Variants in RAPGEF5 observed in about 807,000 individuals in gnomAD.
The protein encoded by RAPGEF5 is M-Ras-regulated GEF.
In RAPGEF5, 65 loss-of-function variants were observed where a neutral mutation model predicts 125.2. That is an observed-to-expected ratio of 0.52 (90% CI 0.43 to 0.64). RAPGEF5 has a LOEUF of 0.64. Ranked by LOEUF, RAPGEF5 falls within the 30% of genes least tolerant of loss-of-function variation. The pLI, the probability that RAPGEF5 is intolerant of heterozygous loss-of-function variation, is 0.00. For synonymous variants in RAPGEF5, 391 were observed against 385.9 expected, an observed-to-expected ratio of 1.01 and a Z score of -0.16; for missense variants, 958 against 1,048.1, an observed-to-expected ratio of 0.91 and a Z score of 1.19.
At chr7:22,248,933 A>G (rs1170108941) in intron 7 of RAPGEF5, among the ~76,000 whole-genome samples, 2 of 152,250 alleles carry the variant, frequency 1.3e-5, no homozygotes, top group African/African-American at 2.4e-5. Flanking sequence ...TCTATTCCTA[A>G]GCCTACAAAG....
chr7:22,175,898 C>T (rs1216025929), intron 11 of RAPGEF5, among the ~76,000 whole-genome samples: 1 of 152,148 alleles, frequency 6.6e-6, no homozygotes, highest in African/African-American at 2.4e-5. Flanking sequence ...ACCTGAAATA[C>T]ATCATCATTC....
chr7:22,295,830 T>C (rs1001524746), intron 5 of RAPGEF5, among the ~76,000 whole-genome samples: 3 of 151,956 alleles, frequency 2.0e-5, no homozygotes, highest in Non-Finnish European at 4.4e-5. Context: ...GAGGATCTAA[T>C]TAGGAAAAGT....
intron 17 of RAPGEF5, 123 bp downstream of exon 17, chr7:22,154,332 T>G: frequency 9.0e-7 from 1 of 1,112,886 alleles, no homozygotes; most frequent in South Asian, 1.6e-5. Context: ...TTATTGTTAC[T>G]GTGGTCATCC....
At chr7:22,317,659 G>A (rs1783630665) in intron 2 of RAPGEF5, among the ~76,000 whole-genome samples, 1 of 152,062 alleles carries the variant, frequency 6.6e-6, no homozygotes, top group Non-Finnish European at 1.5e-5. Context: ...AAAATACAGT[G>A]TTTTTAACAA....
chr7:22,189,884 A>T (rs1414275079), intron 11 of RAPGEF5, among the ~76,000 whole-genome samples: 1 of 152,188 alleles, frequency 6.6e-6, no homozygotes, highest in African/African-American at 2.4e-5. Context: ...CTTGTCACAG[A>T]TGAATGAACA....
At chr7:22,256,297 G>C (rs1356231856) in intron 7 of RAPGEF5, among the ~76,000 whole-genome samples, 1 of 152,176 alleles carries the variant, frequency 6.6e-6, no homozygotes, top group East Asian at 1.9e-4. Context: ...TTGGTTTTCA[G>C]TTAGTTTTTC....
At chr7:22,349,199 G>A (rs529165825) in intron 1 of RAPGEF5, among the ~76,000 whole-genome samples, 15 of 150,542 alleles carry the variant, frequency 1.0e-4, no homozygotes, top group South Asian at 2.1e-4. Flanking sequence ...TGAGGCAGGC[G>A]GATCACTTGA....
At chr7:22,140,215 T>A in intron 20 of RAPGEF5, 100 bp from the exon 21 acceptor site, 1 of 1,055,078 alleles carries the variant, frequency 9.5e-7, no homozygotes, top group Non-Finnish European at 1.4e-6. Flanking sequence ...GCCACAGAGC[T>A]CAGGAATTCT....
At chr7:22,260,293 T>C (rs942388758) in intron 7 of RAPGEF5, among the ~76,000 whole-genome samples, 1 of 152,128 alleles carries the variant, frequency 6.6e-6, no homozygotes. Context: ...GATAACCACA[T>C]GTCAATGGAG....
At position 22,199,531 on chromosome 7, in the gene RAPGEF5, G is replaced by GAAAAAAAAAAAA. The variant is rs35024654; in HGVS notation, c.997-5510_997-5499dup. On this transcript the variant is annotated intron_variant, in intron 9 of 25. Coordinates refer to ENST00000665637, the MANE Select transcript of RAPGEF5 (RefSeq NM_012294.5). ...GTTATGTAAGTTTTACCTTAAAATT[G>GAAAAAAAAAAAA]AAAAAAAAAAAAAAAAAAAAAAAAA... Among the ~76,000 whole-genome samples, 9 of 62,832 alleles carry GAAAAAAAAAAAA rather than the reference G, an allele frequency of 1.4e-4. 1 individual carries two copies. Among genetic ancestry groups the GAAAAAAAAAAAA allele is most frequent in the Non-Finnish European group, 2.5e-4 (9 of 35,496 alleles). The allele number at this position is 62,832 out of a possible 152,430, so 41.2% of individuals were successfully genotyped here.
At chr7:22,199,252 C>T (rs1158932699) in intron 9 of RAPGEF5, among the ~76,000 whole-genome samples, 4 of 152,062 alleles carry the variant, frequency 2.6e-5, no homozygotes, top group Admixed American at 6.5e-5. Context: ...GCACTCAAGA[C>T]CCAGCAAGGG....
At chr7:22,167,895 C>G (rs983716706) in intron 11 of RAPGEF5, among the ~76,000 whole-genome samples, 1 of 152,164 alleles carries the variant, frequency 6.6e-6, no homozygotes, top group African/African-American at 2.4e-5. Context: ...GAGGCAAACT[C>G]TGACTTTCAA....
At chr7:22,173,748 A>AG (rs1451138182) in intron 11 of RAPGEF5, among the ~76,000 whole-genome samples, 2 of 152,180 alleles carry the variant, frequency 1.3e-5, no homozygotes, top group African/African-American at 4.8e-5. Context: ...AGTAATAAAC[A>AG]GGGGGCTTGT....
chr7:22,178,711 C>A (rs765774682), intron 11 of RAPGEF5, among the ~76,000 whole-genome samples: 1 of 152,138 alleles, frequency 6.6e-6, no homozygotes, highest in Admixed American at 6.6e-5. Context: ...ATGTGTTCAC[C>A]GACCTGGAAG....
intron 20 of RAPGEF5, among the ~76,000 whole-genome samples, chr7:22,141,133 G>T (rs1562712291): frequency 6.6e-6 from 1 of 151,924 alleles, no homozygotes; most frequent in Admixed American, 6.6e-5. Flanking sequence ...ATATACTATG[G>T]ATTATTTACT....
At chr7:22,265,448 G>A (rs765913980) in intron 7 of RAPGEF5, among the ~76,000 whole-genome samples, 9 of 152,188 alleles carry the variant, frequency 5.9e-5, no homozygotes, top group South Asian at 2.1e-4. Flanking sequence ...ATTCCTTTTC[G>A]TGGCTGAATA....
intron 7 of RAPGEF5, among the ~76,000 whole-genome samples, chr7:22,240,903 G>C (rs1786314799): frequency 6.6e-6 from 1 of 152,176 alleles, no homozygotes. Context: ...ACAACTCTGA[G>C]CCTACCTATG....
chr7:22,298,536 T>C (rs1783120322), intron 5 of RAPGEF5: 1 of 152,192 alleles, frequency 6.6e-6, no homozygotes, highest in African/African-American at 2.4e-5. Context: ...AAAATGAATG[T>C]GAAACAGTCA....
chr7:22,147,654 T>C (rs1257326599), intron 18 of RAPGEF5, among the ~76,000 whole-genome samples: 5 of 152,236 alleles, frequency 3.3e-5, no homozygotes, highest in Non-Finnish European at 7.3e-5. Flanking sequence ...GGTAACAGTA[T>C]TTCCTTAAGA....
Sources: allele counts gnomAD v4.1 joint callset (sites outside exome capture counted in the v4.1 genomes callset), GRCh38; gene constraint gnomAD v4.1.1; transcripts MANE v1.5; gene names NCBI Gene and HGNC (gene_info 2026-07-23, HGNC 2026-07-21).